Variants in ORC4 observed in about 807,000 individuals in gnomAD.
ORC4 encodes the protein origin recognition complex, subunit 4 homolog.
A neutral mutation model predicts 63.9 loss-of-function variants in ORC4; 55 were observed. That is an observed-to-expected ratio of 0.86 (90% CI 0.69 to 1.08). The LOEUF is 1.08. ORC4 is among the 50% of genes least tolerant of loss of function. The probability of loss-of-function intolerance (pLI) is 0.00; values close to 1 mark genes in which losing one functional copy is unlikely to be tolerated. For missense variants in ORC4, 511 were observed against 504.4 expected (o/e 1.01, Z -0.13); for synonymous variants, 150 against 168.5 (o/e 0.89, Z 0.85).
intron 1 of ORC4, among the ~76,000 whole-genome samples, chr2:147,986,138 G>A (rs897753865): frequency 1.3e-5 from 2 of 151,794 alleles, no homozygotes; most frequent in African/African-American, 4.8e-5. Context: ...TCTTCCCATC[G>A]CTAAAAAGGA....
rs1687808036 is a variant in ORC4, at chr2:147,932,223, A to AAAT, written c.*3284_*3286dup. ...ATTCACAATTGCTTCAAAGAGAATA[A>AAAT]AATACCTAGGAATCCAACTTACAAG... On this transcript the variant is annotated 3_prime_UTR_variant, in exon 14 of 14. Transcript: ENST00000392857. 1.3e-5 allele frequency: 2 copies of AAAT among 151,698 alleles called. 1 individual carries two copies. Among genetic ancestry groups the AAAT allele is most frequent in the Admixed American group, 1.3e-4 (2 of 15,200 alleles). 9.4% of individuals were successfully genotyped at this position (151,698 alleles called of 1,614,324 possible). A position where few individuals can be genotyped will look rare whatever the true frequency, so the allele number is the denominator to read the frequency against.
intron 1 of ORC4, among the ~76,000 whole-genome samples, chr2:147,986,077 A>G (rs1691185512): frequency 1.3e-5 from 2 of 152,234 alleles, no homozygotes; most frequent in Non-Finnish European, 2.9e-5. Context: ...GTCTATGTGT[A>G]CAATTTGTAT....
intron 1 of ORC4, among the ~76,000 whole-genome samples, chr2:148,001,468 G>T (rs1175652327): frequency 6.6e-6 from 1 of 152,124 alleles, no homozygotes; most frequent in Non-Finnish European, 1.5e-5. Context: ...CATTCTTAAA[G>T]AAAAGAATTT....
chr2:147,990,006 A>G (rs1344667484), intron 1 of ORC4, among the ~76,000 whole-genome samples: 2 of 152,206 alleles, frequency 1.3e-5, no homozygotes, highest in African/African-American at 4.8e-5. Context: ...ACTCTTAGTA[A>G]ATTAAAAAGA....
chr2:147,997,218 T>C (rs2105421357), intron 1 of ORC4, among the ~76,000 whole-genome samples: 1 of 152,244 alleles, frequency 6.6e-6, no homozygotes, highest in South Asian at 2.1e-4. Context: ...AATAGATGTT[T>C]TAGTGATCTT....
intron 4 of ORC4, among the ~76,000 whole-genome samples, chr2:147,967,624 A>T (rs1184031605): frequency 6.6e-6 from 1 of 152,080 alleles, no homozygotes; most frequent in African/African-American, 2.4e-5. Context: ...GGAAAACTAC[A>T]AAGCACTGAA....
intron 1 of ORC4, among the ~76,000 whole-genome samples, chr2:147,980,131 A>G (rs1394143793): frequency 6.6e-6 from 1 of 152,152 alleles, no homozygotes; most frequent in Non-Finnish European, 1.5e-5. Flanking sequence ...ACTATTTGCA[A>G]ATCTTACATC....
rs189347463 is a variant in ORC4 at position 148,002,964 on chromosome 2, C to T, written c.-18+17669G>A. On this transcript the variant is annotated intron_variant, in intron 1 of 13. Transcript: ENST00000392857. ...ATCCCACAGAAATACAAACTACCAT[C>T]AGAGAATACTATAAACACTTCTACA... Among the ~76,000 whole-genome samples the T allele has an allele frequency of 1.0e-3, 152 of 152,296 alleles. 1 individual carries two copies. In the Middle Eastern group the frequency reaches 0.02, roughly 20 times the overall value.
In ORC4 at chr2:147,934,521, T is replaced by C. The variant is rs1687939885; in HGVS notation, c.*989A>G. ...CTCTGGTAGTCACGTCACTTCATGATGGGGCTACGTTCTGAGAAATGTGTC... is the reference window on the plus strand; with the variant it reads ...CTCTGGTAGTCACGTCACTTCATGACGGGGCTACGTTCTGAGAAATGTGTC... On this transcript the variant is annotated 3_prime_UTR_variant, in exon 14 of 14. Transcript: ENST00000392857. 1 of 152,170 alleles carries C rather than the reference T, an allele frequency of 6.6e-6. No homozygotes were observed. 9.4% of individuals were successfully genotyped at this position (152,170 alleles called of 1,614,324 possible). A position where few individuals can be genotyped will look rare whatever the true frequency, so the allele number is the denominator to read the frequency against.
chr2:147,987,411 C>A (rs1034604797), intron 1 of ORC4, among the ~76,000 whole-genome samples: 27 of 146,588 alleles, frequency 1.8e-4, no homozygotes, highest in African/African-American at 6.0e-4. Context: ...CACACACACA[C>A]AAAAAGTAAC....
intron 1 of ORC4, among the ~76,000 whole-genome samples, chr2:148,020,155 C>A (rs891229815): frequency 2.0e-5 from 3 of 152,170 alleles, no homozygotes; most frequent in African/African-American, 7.2e-5. Flanking sequence ...TTCCCCAAAG[C>A]CACTCCAGAA....
At chr2:148,016,844 T>C (rs530349894) in intron 1 of ORC4, among the ~76,000 whole-genome samples, 1 of 152,314 alleles carries the variant, frequency 6.6e-6, no homozygotes, top group East Asian at 1.9e-4. Context: ...ACCTAATGCA[T>C]TGACAGCTGA....
chr2:147,991,399 C>A (rs1691598165), intron 1 of ORC4, among the ~76,000 whole-genome samples: 1 of 152,000 alleles, frequency 6.6e-6, no homozygotes, highest in South Asian at 2.1e-4. Context: ...CCTATTAGAG[C>A]CTTGATATTC....
At chr2:147,939,781 T>C (rs768294828) in intron 10 of ORC4, among the ~76,000 whole-genome samples, 7 of 152,160 alleles carry the variant, frequency 4.6e-5, no homozygotes, top group Non-Finnish European at 1.0e-4. Context: ...CTTGTGCTGC[T>C]TCTCTGTTCA....
chr2:147,970,704 T>C (rs1373813636), intron 4 of ORC4, among the ~76,000 whole-genome samples: 1 of 150,980 alleles, frequency 6.6e-6, no homozygotes, highest in Non-Finnish European at 1.5e-5. Flanking sequence ...GACCTATATA[T>C]AAAATGCAAA....
intron 7 of ORC4, 59 bp from the exon 8 acceptor site, chr2:147,952,583 C>A (rs1689020148): frequency 2.3e-6 from 3 of 1,326,500 alleles, no homozygotes; most frequent in South Asian, 2.4e-5. Flanking sequence ...TCCTAAATTT[C>A]CAAACCATTT....
At chr2:147,963,301 G>A (rs1169140974) in intron 4 of ORC4, among the ~76,000 whole-genome samples, 2 of 152,082 alleles carry the variant, frequency 1.3e-5, no homozygotes, top group East Asian at 1.9e-4. Flanking sequence ...GAGCAACCCT[G>A]CTCCTACTTC....
intron 6 of ORC4, among the ~76,000 whole-genome samples, chr2:147,956,249 A>C (rs1282873380): frequency 6.6e-6 from 1 of 152,112 alleles, no homozygotes; most frequent in East Asian, 1.9e-4. Flanking sequence ...TAAAACTTTC[A>C]CATATTGTGA....
intron 6 of ORC4, among the ~76,000 whole-genome samples, chr2:147,958,035 T>G (rs1174989579): frequency 6.6e-6 from 1 of 152,092 alleles, no homozygotes; most frequent in African/African-American, 2.4e-5. Flanking sequence ...TTACAGAAAA[T>G]GAAATAAACT....
Sources: gnomAD v4.1 joint callset for allele counts (sites outside exome capture counted in the v4.1 genomes callset) on GRCh38, gnomAD v4.1.1 for gene constraint, MANE v1.5 for transcripts, NCBI Gene and HGNC (gene_info 2026-07-23, HGNC 2026-07-21) for gene names.